The following ADAM22 variants were observed in gnomAD, a reference collection of about 807,000 sequenced individuals.
ADAM22 encodes the protein disintegrin and metalloproteinase domain-containing protein 22.
A neutral mutation model predicts 144.6 loss-of-function variants in ADAM22; 65 were observed. The ratio of observed to expected loss-of-function variants is 0.45; its 90% CI spans 0.37 to 0.55. The LOEUF is 0.55. Ranked by LOEUF, ADAM22 falls within the 20% of genes least tolerant of loss-of-function variation. ADAM22 has a pLI of 0.00. For synonymous variants in ADAM22, 391 were observed against 412.6 expected, an observed-to-expected ratio of 0.95 and a Z score of 0.63; for missense variants, 974 against 1,184.9, an observed-to-expected ratio of 0.82 and a Z score of 2.61.
intron 2 of ADAM22, among the ~76,000 whole-genome samples, chr7:87,946,143 A>G (rs868720027): frequency 1.4e-4 from 21 of 151,680 alleles, no homozygotes; most frequent in Middle Eastern, 6.8e-3. Context: ...GATGTTGAGC[A>G]TTTTTTTTAC....
chr7:87,943,555 A>G (rs1480932336), intron 2 of ADAM22, among the ~76,000 whole-genome samples: 1 of 152,198 alleles, frequency 6.6e-6, no homozygotes, highest in Admixed American at 6.5e-5. Context: ...AATATTTTAT[A>G]TAAAAATGAT....
chr7:88,174,624 TAAG>T, intron 26 of ADAM22, among the ~76,000 whole-genome samples: 2 of 152,276 alleles, frequency 1.3e-5, no homozygotes, highest in South Asian at 4.1e-4. Flanking sequence ...AGCAATAGAA[TAAG>T]AAACAGTAAC....
At chr7:88,076,414 T>G (rs1287539513) in intron 4 of ADAM22, among the ~76,000 whole-genome samples, 4 of 152,192 alleles carry the variant, frequency 2.6e-5, no homozygotes, top group South Asian at 2.1e-4. Flanking sequence ...AAATTTGCCT[T>G]TAATGTTACC....
chr7:88,183,191 A>AT (rs1563415568), intron 29 of ADAM22, among the ~76,000 whole-genome samples: 2 of 152,188 alleles, frequency 1.3e-5, no homozygotes, highest in Non-Finnish European at 2.9e-5. Flanking sequence ...CTAATGTGTT[A>AT]GAGTTTATCT....
intron 29 of ADAM22, chr7:88,184,400 C>A (rs1177199205): frequency 4.7e-6 from 2 of 425,246 alleles, no homozygotes; most frequent in South Asian, 1.7e-5. Flanking sequence ...GTCTGGATCA[C>A]AGGTCAGTCT....
chr7:87,982,147 A>C (rs1318026445), intron 3 of ADAM22, among the ~76,000 whole-genome samples: 1 of 151,268 alleles, frequency 6.6e-6, no homozygotes, highest in African/African-American at 2.4e-5. Flanking sequence ...GTAATGCTAA[A>C]AGCTTCTCTA....
chr7:88,019,385 G>T (rs538586940), intron 3 of ADAM22, among the ~76,000 whole-genome samples: 25 of 152,270 alleles, frequency 1.6e-4, no homozygotes, highest in African/African-American at 6.0e-4. Context: ...TGAGGCAGGA[G>T]AATTGCTTGA....
chr7:88,094,894 G>A (rs966107736), intron 4 of ADAM22, among the ~76,000 whole-genome samples: 7 of 152,168 alleles, frequency 4.6e-5, no homozygotes, highest in Admixed American at 3.9e-4. Flanking sequence ...CATGAATATT[G>A]TGAGGGCTAG....
At chr7:88,180,631 A>G (rs981329394) in intron 27 of ADAM22, among the ~76,000 whole-genome samples, 12 of 152,132 alleles carry the variant, frequency 7.9e-5, no homozygotes, top group Admixed American at 7.9e-4. Flanking sequence ...AAGATTTTTA[A>G]GTATAGTGCT....
At chr7:88,009,887 C>T (rs955096229) in intron 3 of ADAM22, among the ~76,000 whole-genome samples, 8 of 152,174 alleles carry the variant, frequency 5.3e-5, no homozygotes, top group Non-Finnish European at 7.4e-5. Context: ...GATGTCATTT[C>T]TACACTGCTA....
chr7:88,133,730 G>C (rs548903160), intron 12 of ADAM22, among the ~76,000 whole-genome samples: 1 of 152,248 alleles, frequency 6.6e-6, no homozygotes, highest in East Asian at 1.9e-4. Flanking sequence ...TTTCCAAAGG[G>C]TTTCTTTTAC....
intron 3 of ADAM22, among the ~76,000 whole-genome samples, chr7:88,006,225 C>T (rs954665828): frequency 6.6e-6 from 1 of 152,094 alleles, no homozygotes; most frequent in African/African-American, 2.4e-5. Context: ...TCTGAATAGA[C>T]CAATAACAGG....
chr7:88,191,595 G>A (rs1203314355), intron 30 of ADAM22, among the ~76,000 whole-genome samples: 1 of 152,068 alleles, frequency 6.6e-6, no homozygotes, highest in Non-Finnish European at 1.5e-5. Context: ...AAAGATCATA[G>A]TCCTATTTAA....
chr7:87,937,110 C>A (rs1284087868), intron 2 of ADAM22, among the ~76,000 whole-genome samples: 1 of 152,008 alleles, frequency 6.6e-6, no homozygotes, highest in East Asian at 1.9e-4. Flanking sequence ...CATGTGCCAC[C>A]TTATCTGGCT....
At chr7:87,966,720 C>CTTTTTTT (rs1562873898) in intron 2 of ADAM22, among the ~76,000 whole-genome samples, 2 of 30,180 alleles carry the variant, frequency 6.6e-5, no homozygotes, top group Non-Finnish European at 1.2e-4. Flanking sequence ...CAAGGAAAGC[C>CTTTTTTT]GTTTTTTTTT....
intron 2 of ADAM22, among the ~76,000 whole-genome samples, chr7:87,952,021 T>A (rs563336088): frequency 0.023 from 3,421 of 149,684 alleles, 96 homozygotes; most frequent in African/African-American, 0.079. Context: ...AAGTTGCTTA[T>A]CAGCTTAAGG....
intron 11 of ADAM22, chr7:88,132,522 G>T: frequency 5.1e-6 from 1 of 196,508 alleles, no homozygotes; most frequent in South Asian, 8.7e-5. Context: ...TTATTTTATT[G>T]ACTGTTCCTC....
rs543498431 is a variant in ADAM22, at chr7:88,170,023, T to G, written c.2283-1521T>G. 5.3e-5 allele frequency among the ~76,000 whole-genome samples: 8 copies of G among 152,250 alleles called. 1 individual carries two copies. In the South Asian group the frequency reaches 1.5e-3, roughly 28 times the overall value. The stretch of plus-strand genomic sequence containing the variant: ...AAATTATGTGTCTATTTGCCTTTAT[T>G]GATTAGAATGAAAATCACTTTTTTT... On this transcript the variant is annotated intron_variant, in intron 25 of 31. Coordinates refer to ENST00000413139, the MANE Select transcript of ADAM22 (RefSeq NM_001324418.2).
intron 26 of ADAM22, among the ~76,000 whole-genome samples, chr7:88,178,688 A>C (rs1846273959): frequency 6.6e-6 from 1 of 152,126 alleles, no homozygotes; most frequent in South Asian, 2.1e-4. Context: ...TCATATTTTC[A>C]TATTTTTCCC....
Sources: gnomAD v4.1 joint callset for allele counts (sites outside exome capture counted in the v4.1 genomes callset) on GRCh38, gnomAD v4.1.1 for gene constraint, MANE v1.5 for transcripts, NCBI Gene and HGNC (gene_info 2026-07-23, HGNC 2026-07-21) for gene names.